The following DPY19L1 variants were observed in gnomAD, a reference collection of about 807,000 sequenced individuals.
DPY19L1 encodes protein C-mannosyl-transferase DPY19L1.
Under a neutral mutation model 96.9 loss-of-function variants are expected in DPY19L1, and 35 were observed. That is an observed-to-expected ratio of 0.36 (90% confidence interval 0.28 to 0.48). The LOEUF (loss-of-function observed/expected upper bound fraction) is 0.48, where lower values mean the gene tolerates loss of function less well. Ranked by LOEUF, DPY19L1 falls within the 20% of genes least tolerant of loss-of-function variation. The pLI is 0.99. For synonymous variants in DPY19L1, 205 were observed against 252.6 expected, an observed-to-expected ratio of 0.81 and a Z score of 1.79; for missense variants, 521 against 777.9, an observed-to-expected ratio of 0.67 and a Z score of 3.93.
chr7:35,017,358 G>A (rs1056252905), intron 3 of DPY19L1, among the ~76,000 whole-genome samples: 27 of 151,780 alleles, frequency 1.8e-4, no homozygotes, highest in Admixed American at 5.9e-4. Flanking sequence ...AGCCGGGCGC[G>A]GTGGCGGGCG....
intron 1 of DPY19L1, among the ~76,000 whole-genome samples, chr7:35,032,915 T>C (rs1247129810): frequency 6.6e-6 from 1 of 152,164 alleles, no homozygotes; most frequent in African/African-American, 2.4e-5. Context: ...GCCACCGCCT[T>C]CATCTAGGCC....
chr7:34,986,199 T>G (rs759887842), intron 7 of DPY19L1, among the ~76,000 whole-genome samples: 13 of 151,998 alleles, frequency 8.6e-5, no homozygotes, highest in Non-Finnish European at 1.6e-4. Context: ...ATATAAAGTT[T>G]CAGTTGGGCA....
chr7:34,988,919 G>A (rs1187819700), intron 7 of DPY19L1, among the ~76,000 whole-genome samples: 5 of 152,178 alleles, frequency 3.3e-5, no homozygotes, highest in Admixed American at 3.3e-4. Context: ...GCCAAACACT[G>A]CTCTAGGCAT....
At position 34,966,917 on chromosome 7, in the gene DPY19L1, G is replaced by A. The variant is rs764624642; in HGVS notation, c.1069C>T (p.Arg357Trp). ...ACCATGTGTATATAAATGATCTTCC[G>A]TAATTTACATATATCAATGTACCCG... ...VVGYIDICKL[R>W]KIIYIHMISL... The change falls in exon 10 of 22, where the codon CGG (arginine) becomes TGG (tryptophan). Residue 357 changes from arginine to tryptophan, a missense_variant. Physicochemically the swap from Arg to Trp is moderately radical, Grantham distance 101. Transcript: ENST00000638088. 31 of 1,535,358 alleles carry A rather than the reference G, an allele frequency of 2.0e-5. No homozygotes were observed. Among genetic ancestry groups the A allele is most frequent in the East Asian group, 2.5e-5 (1 of 40,344 alleles).
chr7:34,949,029 T>C (rs1477646781), intron 14 of DPY19L1, among the ~76,000 whole-genome samples: 4 of 152,194 alleles, frequency 2.6e-5, no homozygotes, highest in Admixed American at 6.5e-5. Context: ...TTGGCCAGTT[T>C]CATATACATA....
intron 8 of DPY19L1, 140 bp from the exon 9 acceptor site, chr7:34,969,672 G>A: frequency 4.5e-6 from 2 of 442,774 alleles, no homozygotes; most frequent in South Asian, 9.2e-5. Flanking sequence ...CAATGGGTTA[G>A]AAATTATACC....
intron 15 of DPY19L1, 92 bp downstream of exon 15, chr7:34,947,538 T>C (rs1784175014): frequency 4.0e-6 from 4 of 1,005,840 alleles, no homozygotes; most frequent in Non-Finnish European, 6.0e-6. Context: ...CAAAACGTTG[T>C]ATCAGATAAA....
chr7:35,018,011 C>CT (rs1394144834), intron 2 of DPY19L1, 42 bp from the exon 3 acceptor site: 17 of 1,384,970 alleles, frequency 1.2e-5, no homozygotes, highest in Non-Finnish European at 1.5e-5. Context: ...AACTTACACT[C>CT]TAAGTATTAT....
intron 1 of DPY19L1, among the ~76,000 whole-genome samples, chr7:35,028,946 G>C (rs561922840): frequency 4.6e-5 from 7 of 152,328 alleles, no homozygotes; most frequent in African/African-American, 2.4e-5. Context: ...TACAGTTAGT[G>C]TATAATGAGC....
chr7:34,981,363 A>G (rs1456343776), intron 7 of DPY19L1, among the ~76,000 whole-genome samples: 1 of 152,230 alleles, frequency 6.6e-6, no homozygotes, highest in African/African-American at 2.4e-5. Context: ...GAAAATTACC[A>G]TTTGCAATGG....
chr7:34,987,349 A>G (rs1387605603), intron 7 of DPY19L1, among the ~76,000 whole-genome samples: 1 of 152,030 alleles, frequency 6.6e-6, no homozygotes, highest in Non-Finnish European at 1.5e-5. Context: ...GCATTTCACA[A>G]GTTTCGGATT....
chr7:35,002,809 C>A (rs1785460091), intron 6 of DPY19L1, among the ~76,000 whole-genome samples: 3 of 152,206 alleles, frequency 2.0e-5, no homozygotes, highest in Admixed American at 2.0e-4. Flanking sequence ...TGCTCTGTCG[C>A]CCAGGCTGGA....
chr7:34,942,752 G>A (rs1486963059), intron 16 of DPY19L1, 113 bp from the exon 17 acceptor site: 2 of 828,760 alleles, frequency 2.4e-6, no homozygotes, highest in Non-Finnish European at 3.8e-6. Context: ...CATTCTCTCA[G>A]GACACACACA....
intron 7 of DPY19L1, among the ~76,000 whole-genome samples, chr7:34,982,353 C>A (rs1172414508): frequency 6.6e-6 from 1 of 152,178 alleles, no homozygotes; most frequent in African/African-American, 2.4e-5. Flanking sequence ...AGCATCATAT[C>A]TGCAGCTCAT....
chr7:34,997,080 G>A (rs1040559401), intron 6 of DPY19L1, among the ~76,000 whole-genome samples: 4 of 152,160 alleles, frequency 2.6e-5, no homozygotes, highest in Admixed American at 1.3e-4. Flanking sequence ...TAGAGGTCAG[G>A]CTGGGCATTA....
At chr7:34,991,991 C>T (rs1785178037) in intron 6 of DPY19L1, among the ~76,000 whole-genome samples, 1 of 152,122 alleles carries the variant, frequency 6.6e-6, no homozygotes, top group Non-Finnish European at 1.5e-5. Flanking sequence ...AATGGTTAAA[C>T]ATCCTCGTAC....
intron 11 of DPY19L1, among the ~76,000 whole-genome samples, chr7:34,956,070 C>T (rs1390068157): frequency 6.6e-6 from 1 of 152,110 alleles, no homozygotes; most frequent in African/African-American, 2.4e-5. Flanking sequence ...ATGGAATATA[C>T]ATAAATATGC....
chr7:34,947,367 T>C (rs1182746708), intron 15 of DPY19L1, among the ~76,000 whole-genome samples: 1 of 152,208 alleles, frequency 6.6e-6, no homozygotes, highest in Non-Finnish European at 1.5e-5. Flanking sequence ...TGGGTCAATA[T>C]GGTCTCTGAT....
At position 34,944,923 on chromosome 7, in the gene DPY19L1, A is replaced by G. The variant is rs181129513; in HGVS notation, c.1544+744T>C. Among the ~76,000 whole-genome samples, 4 of 152,356 alleles carry G rather than the reference A, an allele frequency of 2.6e-5. No homozygotes were observed. In the East Asian group the frequency reaches 7.7e-4, roughly 29 times the overall value. On this transcript the variant is annotated intron_variant, in intron 16 of 21. Coordinates refer to ENST00000638088, the MANE Select transcript of DPY19L1 (RefSeq NM_001366673.1). ...GGATATACTATTAATTTTTAGAAAT[A>G]TAAGAAGTGAAAAGGTCTTCACTTT...
Sources: gnomAD v4.1 joint callset for allele counts (sites outside exome capture counted in the v4.1 genomes callset) on GRCh38, gnomAD v4.1.1 for gene constraint, MANE v1.5 for transcripts, NCBI Gene and HGNC (gene_info 2026-07-23, HGNC 2026-07-21) for gene names.